The following LPP variants were observed in gnomAD, a reference collection of about 807,000 sequenced individuals.
The protein encoded by LPP is LIM domain containing preferred translocation partner in lipoma, also known as lipoma-preferred partner.
LPP carries 38 observed loss-of-function variants against 60.4 expected under a neutral mutation model. The ratio of observed to expected loss-of-function variants is 0.63; its 90% CI spans 0.49 to 0.83. The LOEUF (loss-of-function observed/expected upper bound fraction) is 0.83. Among genes scored for constraint, LPP ranks in the 40% least tolerant of loss-of-function variants. LPP has a pLI of 0.00. For missense variants in LPP, 902 were observed against 783.6 expected, an observed-to-expected ratio of 1.15 and a Z score of -1.80; for synonymous variants, 328 against 290.8, an observed-to-expected ratio of 1.13 and a Z score of -1.30.
intron 7 of LPP, among the ~76,000 whole-genome samples, chr3:188,654,328 T>G (rs2149011937): frequency 6.6e-6 from 1 of 152,284 alleles, no homozygotes; most frequent in South Asian, 2.1e-4. Flanking sequence ...GAAAGGAGTG[T>G]TAGGAAAGAG....
At position 188,670,255 on chromosome 3, in the gene LPP, TA is replaced by T. The variant is rs1560040438; in HGVS notation, c.1114-38005del. 2.0e-5 allele frequency among the ~76,000 whole-genome samples: 3 copies of T among 151,986 alleles called. No homozygotes were observed. In the South Asian group the frequency reaches 6.2e-4, roughly 32 times the overall value. ...TATCCTAGAACGTAAAGTATAATAATAAAAAAATAAATTAATTAGTTAATTA... is the reference window on the plus strand; with the variant it reads ...TATCCTAGAACGTAAAGTATAATAATAAAAAATAAATTAATTAGTTAATTA... On this transcript the variant is annotated intron_variant, in intron 7 of 11. Coordinates refer to ENST00000617246, the MANE Select transcript of LPP (RefSeq NM_001375462.1).
At chr3:188,839,995 A>C (rs1176893409) in intron 9 of LPP, among the ~76,000 whole-genome samples, 1 of 152,228 alleles carries the variant, frequency 6.6e-6, no homozygotes, top group East Asian at 1.9e-4. Context: ...TACATATATG[A>C]TATAAAAATG....
chr3:188,699,118 C>T (rs1863867145), intron 7 of LPP, among the ~76,000 whole-genome samples: 1 of 152,198 alleles, frequency 6.6e-6, no homozygotes, highest in Non-Finnish European at 1.5e-5. Flanking sequence ...TATTATTATT[C>T]TCCAGTTTAT....
intron 5 of LPP, among the ~76,000 whole-genome samples, chr3:188,499,608 A>G (rs1325315667): frequency 6.6e-6 from 1 of 152,148 alleles, no homozygotes; most frequent in Non-Finnish European, 1.5e-5. Context: ...TTCATATTCC[A>G]TATGAATTTT....
intron 5 of LPP, among the ~76,000 whole-genome samples, chr3:188,509,289 T>C (rs1369950753): frequency 1.7e-4 from 26 of 152,214 alleles, no homozygotes; most frequent in Non-Finnish European, 4.4e-5. Context: ...TTCTACTACC[T>C]TATTTCACCT....
At chr3:188,731,066 T>G (rs1420595248) in intron 8 of LPP, among the ~76,000 whole-genome samples, 1 of 152,214 alleles carries the variant, frequency 6.6e-6, no homozygotes, top group East Asian at 1.9e-4. Context: ...AAGTCCGTTT[T>G]GTCATATACA....
At chr3:188,810,746 A>T (rs998851991) in intron 9 of LPP, among the ~76,000 whole-genome samples, 1 of 152,144 alleles carries the variant, frequency 6.6e-6, no homozygotes, top group African/African-American at 2.4e-5. Context: ...TCAGTTCTCT[A>T]TGGATTCAAA....
chr3:188,624,450 G>A (rs771393356), intron 7 of LPP, among the ~76,000 whole-genome samples: 11 of 152,238 alleles, frequency 7.2e-5, no homozygotes, highest in East Asian at 1.9e-4. Context: ...AAAAACTGTC[G>A]TTCTTGAAAC....
chr3:188,495,093 ATTT>A (rs1560478082), intron 5 of LPP, among the ~76,000 whole-genome samples: 3 of 30,944 alleles, frequency 9.7e-5, no homozygotes, highest in African/African-American at 1.3e-4. Flanking sequence ...TTTTATTTAT[ATTT>A]TATTATATAT....
chr3:188,483,410 C>G (rs1401365590), intron 4 of LPP, among the ~76,000 whole-genome samples: 3 of 152,134 alleles, frequency 2.0e-5, no homozygotes, highest in Non-Finnish European at 4.4e-5. Flanking sequence ...GACTGCTGCC[C>G]TAACCCACAA....
chr3:188,740,622 G>A (rs1724081667), intron 8 of LPP, among the ~76,000 whole-genome samples: 1 of 151,864 alleles, frequency 6.6e-6, no homozygotes, highest in African/African-American at 2.4e-5. Flanking sequence ...TGAAAAATAA[G>A]CCTGAACTCA....
chr3:188,281,535 C>T lies in LPP; in HGVS notation c.-67+56008C>T, dbSNP rs758054046. 5.3e-5 allele frequency among the ~76,000 whole-genome samples: 7 copies of T among 132,512 alleles called. No homozygotes were observed. The South Asian group carries it at 1.5e-3, about 29-fold the overall frequency. The allele number at this position is 132,512 out of a possible 152,430, so 86.9% of individuals were successfully genotyped here. On this transcript the variant is annotated intron_variant, in intron 2 of 11. Coordinates refer to ENST00000617246, the MANE Select transcript of LPP (RefSeq NM_001375462.1). ...AGGAGAATCGCTTGAACCCAGGAGG[C>T]GGAGGTTTCAGTGAACTGAGATCAC...
At chr3:188,317,234 G>GTT (rs201476275) in intron 2 of LPP, among the ~76,000 whole-genome samples, 15 of 146,536 alleles carry the variant, frequency 1.0e-4, no homozygotes, top group South Asian at 4.3e-4. Context: ...TTTTTTTTAA[G>GTT]TTTTTTTTTT....
intron 9 of LPP, among the ~76,000 whole-genome samples, chr3:188,764,548 A>G (rs1733405871): frequency 6.6e-6 from 1 of 152,214 alleles, no homozygotes; most frequent in African/African-American, 2.4e-5. Flanking sequence ...ACATATTAAA[A>G]GCGGAGGTTC....
At chr3:188,581,635 A>G (rs1849911) in intron 6 of LPP, among the ~76,000 whole-genome samples, 1 of 151,632 alleles carries the variant, frequency 6.6e-6, no homozygotes, top group African/African-American at 2.4e-5. Context: ...TCAGGGCCCA[A>G]CTCACTCATC....
intron 7 of LPP, among the ~76,000 whole-genome samples, chr3:188,683,873 C>T (rs1387381874): frequency 6.6e-6 from 1 of 152,170 alleles, no homozygotes; most frequent in Non-Finnish European, 1.5e-5. Context: ...ATTATGCATA[C>T]AATTTACACG....
intron 2 of LPP, among the ~76,000 whole-genome samples, chr3:188,312,194 C>A (rs1753685385): frequency 6.6e-6 from 1 of 151,980 alleles, no homozygotes; most frequent in African/African-American, 2.4e-5. Flanking sequence ...TATTTATATT[C>A]CAGTGTATAT....
chr3:188,198,992 A>G (rs1055502108), intron 1 of LPP, among the ~76,000 whole-genome samples: 17 of 152,188 alleles, frequency 1.1e-4, no homozygotes, highest in Non-Finnish European at 2.2e-4. Flanking sequence ...GACAGAGCAA[A>G]GGGGGAATGA....
chr3:188,762,586 G>A (rs551763394), intron 9 of LPP, among the ~76,000 whole-genome samples: 89 of 152,200 alleles, frequency 5.8e-4, no homozygotes, highest in African/African-American at 2.0e-3. Flanking sequence ...CAGTGTGTGG[G>A]CTCAAGTTTC....
Sources: gnomAD v4.1 joint callset for allele counts (sites outside exome capture counted in the v4.1 genomes callset) on GRCh38, gnomAD v4.1.1 for gene constraint, MANE v1.5 for transcripts, NCBI Gene and HGNC (gene_info 2026-07-23, HGNC 2026-07-21) for gene names.